The following GRID2 variants were observed in gnomAD, a reference collection of about 807,000 sequenced individuals.
GRID2 encodes the protein glutamate ionotropic receptor delta type subunit 2, also known as glutamate receptor ionotropic, delta-2.
Under a neutral mutation model 114.8 loss-of-function variants are expected in GRID2, and 33 were observed. The observed-to-expected ratio is 0.29, with a 90% CI of 0.22 to 0.38. The LOEUF is 0.38. Among genes scored for constraint, GRID2 ranks in the 10% least tolerant of loss-of-function variants. GRID2 has a pLI of 1.00. For missense variants in GRID2, 1,184 were observed against 1,257.7 expected, an observed-to-expected ratio of 0.94 and a Z score of 0.89; for synonymous variants, 505 against 449.9, an observed-to-expected ratio of 1.12 and a Z score of -1.55.
intron 1 of GRID2, among the ~76,000 whole-genome samples, chr4:92,475,033 T>C (rs1289085123): frequency 6.7e-6 from 1 of 149,348 alleles, no homozygotes; most frequent in Non-Finnish European, 1.5e-5. Context: ...GATGAGTTAA[T>C]GGGTGCAGCA....
At chr4:93,654,880 A>T (rs1228074950) in intron 14 of GRID2, among the ~76,000 whole-genome samples, 1 of 152,154 alleles carries the variant, frequency 6.6e-6, no homozygotes, top group Non-Finnish European at 1.5e-5. Context: ...ATTGAGAGAA[A>T]TTTTAGCATG....
At chr4:93,000,714 G>C (rs1443357953) in intron 2 of GRID2, among the ~76,000 whole-genome samples, 1 of 146,846 alleles carries the variant, frequency 6.8e-6, no homozygotes, top group Non-Finnish European at 1.5e-5. Flanking sequence ...TAATAAGTAT[G>C]TCAAGTAGTT....
chr4:92,929,280 G>C (rs565329066), intron 2 of GRID2, among the ~76,000 whole-genome samples: 1 of 151,190 alleles, frequency 6.6e-6, no homozygotes, highest in South Asian at 2.1e-4. Flanking sequence ...AGACTGATTT[G>C]AATGAAGGTA....
intron 1 of GRID2, among the ~76,000 whole-genome samples, chr4:92,505,108 A>T (rs914178255): frequency 5.3e-5 from 8 of 152,054 alleles, no homozygotes; most frequent in African/African-American, 1.9e-4. Flanking sequence ...TTTACACTAC[A>T]TAAACCATAG....
intron 2 of GRID2, among the ~76,000 whole-genome samples, chr4:92,935,906 G>T (rs1339726426): frequency 6.9e-6 from 1 of 144,546 alleles, no homozygotes; most frequent in African/African-American, 2.5e-5. Context: ...CTGGGGGGAG[G>T]GATAGCATTA....
At chr4:92,853,595 A>G (rs1743978656) in intron 2 of GRID2, among the ~76,000 whole-genome samples, 1 of 152,048 alleles carries the variant, frequency 6.6e-6, no homozygotes, top group Admixed American at 6.6e-5. Context: ...ACCCTGACTC[A>G]TAGTAGCTAT....
intron 1 of GRID2, among the ~76,000 whole-genome samples, chr4:92,541,996 T>C (rs190090194): frequency 1.8e-4 from 27 of 152,290 alleles, no homozygotes; most frequent in African/African-American, 6.3e-4. Context: ...TGTGTTCTTT[T>C]TTATTTTAAC....
At chr4:93,688,578 G>A (rs1261053358) in intron 14 of GRID2, among the ~76,000 whole-genome samples, 2 of 151,920 alleles carry the variant, frequency 1.3e-5, no homozygotes, top group African/African-American at 4.8e-5. Context: ...GTGATTCAAA[G>A]TGTTATTTCT....
chr4:93,761,391 A>T (rs1404441535), intron 14 of GRID2, among the ~76,000 whole-genome samples: 1 of 152,178 alleles, frequency 6.6e-6, no homozygotes, highest in Non-Finnish European at 1.5e-5. Flanking sequence ...TAAGTCAGAA[A>T]CTATAGCCAG....
intron 2 of GRID2, among the ~76,000 whole-genome samples, chr4:92,933,670 C>T (rs1318597977): frequency 1.3e-5 from 2 of 151,592 alleles, no homozygotes; most frequent in African/African-American, 4.8e-5. Context: ...TTTCCCTCCA[C>T]TCGGTCTCTT....
intron 1 of GRID2, among the ~76,000 whole-genome samples, chr4:93,792,599 CCACA>C (rs574406102): frequency 1.7e-4 from 26 of 152,276 alleles, no homozygotes; most frequent in Admixed American, 1.2e-3. Flanking sequence ...GGGAACCCTA[CCACA>C]CCCCTTTCAC....
At chr4:93,241,777 T>C (rs1561031560) in intron 8 of GRID2, among the ~76,000 whole-genome samples, 1 of 151,104 alleles carries the variant, frequency 6.6e-6, no homozygotes, top group Non-Finnish European at 1.5e-5. Flanking sequence ...TAATGCCATA[T>C]GTTTAAATAG....
intron 2 of GRID2, among the ~76,000 whole-genome samples, chr4:92,936,795 C>A (rs958329421): frequency 6.8e-6 from 1 of 146,486 alleles, no homozygotes; most frequent in Admixed American, 7.4e-5. Context: ...TAATTACTTA[C>A]TTCTGAGAAT....
intron 14 of GRID2, among the ~76,000 whole-genome samples, chr4:93,665,231 G>C (rs1424502471): frequency 6.6e-6 from 1 of 152,128 alleles, no homozygotes; most frequent in African/African-American, 2.4e-5. Context: ...GTTTGGTAGA[G>C]ATTTCTGTAC....
intron 2 of GRID2, among the ~76,000 whole-genome samples, chr4:92,981,028 G>A (rs1482392502): frequency 6.6e-6 from 1 of 151,912 alleles, no homozygotes; most frequent in African/African-American, 2.4e-5. Flanking sequence ...AGGGCAAATA[G>A]GTAACTGAAA....
chr4:92,912,353 A>G (rs1372893133), intron 2 of GRID2, among the ~76,000 whole-genome samples: 1 of 151,838 alleles, frequency 6.6e-6, no homozygotes, highest in Non-Finnish European at 1.5e-5. Context: ...AGCAAGAGAG[A>G]CACTAAGGTA....
chr4:92,557,137 T>A (rs886395982), intron 1 of GRID2, among the ~76,000 whole-genome samples: 12 of 152,152 alleles, frequency 7.9e-5, no homozygotes, highest in African/African-American at 2.6e-4. Flanking sequence ...TTGCAAAAAA[T>A]TATGGAAAAT....
At chr4:92,499,551 A>G (rs916637788) in intron 1 of GRID2, among the ~76,000 whole-genome samples, 2 of 152,222 alleles carry the variant, frequency 1.3e-5, no homozygotes, top group Admixed American at 1.3e-4. Flanking sequence ...GAAGAAGCTC[A>G]TATTGAGCAT....
At chr4:93,554,895 C>T (rs1367834108) in intron 13 of GRID2, among the ~76,000 whole-genome samples, 1 of 152,108 alleles carries the variant, frequency 6.6e-6, no homozygotes, top group African/African-American at 2.4e-5. Flanking sequence ...TCTGCATTTC[C>T]AACTGAGGTA....
Sources: gnomAD v4.1 joint callset for allele counts (sites outside exome capture counted in the v4.1 genomes callset) on GRCh38, gnomAD v4.1.1 for gene constraint, MANE v1.5 for transcripts, NCBI Gene and HGNC (gene_info 2026-07-23, HGNC 2026-07-21) for gene names.